KCNC2: variants seen among roughly 807,000 people sequenced by gnomAD.
KCNC2 encodes the protein voltage-gated potassium channel KCNC2.
KCNC2 carries 21 observed loss-of-function variants against 44.5 expected under a neutral mutation model. The observed-to-expected ratio is 0.47, with a 90% CI of 0.33 to 0.68. The LOEUF (loss-of-function observed/expected upper bound fraction) is 0.68. KCNC2 is among the 30% of genes least tolerant of loss of function. KCNC2 has a pLI of 0.01. For missense variants in KCNC2, 589 were observed against 826.2 expected, an observed-to-expected ratio of 0.71 and a Z score of 3.52; for synonymous variants, 391 against 339.1, an observed-to-expected ratio of 1.15 and a Z score of -1.68.
At chr12:75,064,174 T>A (rs557096819) in intron 2 of KCNC2, among the ~76,000 whole-genome samples, 4 of 152,254 alleles carry the variant, frequency 2.6e-5, no homozygotes, top group Admixed American at 2.6e-4. Context: ...TGTCATGTAA[T>A]CTCAATTAAG....
intron 2 of KCNC2, among the ~76,000 whole-genome samples, chr12:75,118,880 A>G (rs1887857243): frequency 6.6e-6 from 1 of 152,168 alleles, no homozygotes; most frequent in Admixed American, 6.5e-5. Context: ...AATAGAGATT[A>G]AATCTGACAT....
chr12:75,120,144 T>C (rs1887952923), intron 2 of KCNC2, among the ~76,000 whole-genome samples: 1 of 152,226 alleles, frequency 6.6e-6, no homozygotes, highest in Non-Finnish European at 1.5e-5. Flanking sequence ...TTGATATTTC[T>C]AGTCATTTGC....
At chr12:75,199,254 C>T (rs532331099) in intron 2 of KCNC2, among the ~76,000 whole-genome samples, 1 of 151,766 alleles carries the variant, frequency 6.6e-6, no homozygotes, top group Non-Finnish European at 1.5e-5. Flanking sequence ...TGGCAAACCT[C>T]TAAGATTTGA....
intron 2 of KCNC2, among the ~76,000 whole-genome samples, chr12:75,206,984 C>T (rs1339452639): frequency 6.6e-6 from 1 of 152,172 alleles, no homozygotes; most frequent in Non-Finnish European, 1.5e-5. Context: ...GAGATGAATC[C>T]TCATACCCGT....
rs149209693 is a variant in KCNC2 at position 75,093,986 on chromosome 12, C to T, written c.688-42669G>A. Among the ~76,000 whole-genome samples, 4 of 151,734 alleles carry T rather than the reference C, an allele frequency of 2.6e-5. No homozygotes were observed. The East Asian group carries it at 5.8e-4, about 22-fold the overall frequency. ...CCAACCTAATAATAATGCATAGGCT[C>T]GGAACAGTACTTTACTAATCCCTTT... On this transcript the variant is annotated intron_variant, in intron 2 of 4. Coordinates refer to ENST00000549446, the MANE Select transcript of KCNC2 (RefSeq NM_139137.4).
At chr12:75,146,231 G>A (rs1890019985) in intron 2 of KCNC2, among the ~76,000 whole-genome samples, 1 of 152,078 alleles carries the variant, frequency 6.6e-6, no homozygotes, top group Non-Finnish European at 1.5e-5. Context: ...TGAGATTACA[G>A]GCAACAACCT....
intron 2 of KCNC2, among the ~76,000 whole-genome samples, chr12:75,095,824 A>T (rs2137153789): frequency 6.6e-6 from 1 of 151,998 alleles, no homozygotes; most frequent in South Asian, 2.1e-4. Context: ...TACTAAATAA[A>T]TTTTCAAATT....
intron 2 of KCNC2, among the ~76,000 whole-genome samples, chr12:75,201,056 C>G (rs936568381): frequency 6.6e-6 from 1 of 151,204 alleles, no homozygotes; most frequent in Non-Finnish European, 1.5e-5. Flanking sequence ...AATCTTAGAC[C>G]TAAGAAATGA....
chr12:75,169,404 T>C (rs1490128639), intron 2 of KCNC2, among the ~76,000 whole-genome samples: 1 of 151,590 alleles, frequency 6.6e-6, no homozygotes, highest in East Asian at 1.9e-4. Context: ...TCAGTGATGT[T>C]CCATTACTAC....
chr12:75,131,028 G>T (rs963683018), intron 2 of KCNC2, among the ~76,000 whole-genome samples: 1 of 152,050 alleles, frequency 6.6e-6, no homozygotes. Context: ...TTGAGAAAAG[G>T]CCTGAGGCTT....
At chr12:75,161,154 A>G (rs1891098383) in intron 2 of KCNC2, among the ~76,000 whole-genome samples, 1 of 151,774 alleles carries the variant, frequency 6.6e-6, no homozygotes, top group Non-Finnish European at 1.5e-5. Flanking sequence ...ATATCCTAAT[A>G]TAAAAACTCA....
intron 2 of KCNC2, among the ~76,000 whole-genome samples, chr12:75,166,878 C>T (rs1005227213): frequency 1.3e-5 from 2 of 151,122 alleles, no homozygotes; most frequent in Non-Finnish European, 3.0e-5. Flanking sequence ...AATAACTTTC[C>T]ACCCTAAGAA....
intron 4 of KCNC2, 166 bp from the exon 5 acceptor site, chr12:75,043,407 AC>A: frequency 5.1e-6 from 7 of 1,385,892 alleles, no homozygotes; most frequent in Non-Finnish European, 6.5e-6. Flanking sequence ...AATGAAGCTC[AC>A]TGTAGTTGCC....
At chr12:75,109,220 C>A (rs1008732008) in intron 2 of KCNC2, among the ~76,000 whole-genome samples, 4 of 152,122 alleles carry the variant, frequency 2.6e-5, no homozygotes, top group African/African-American at 9.7e-5. Context: ...CGATTATAAT[C>A]TTACAGAAAA....
chr12:75,158,875 A>G (rs118004147), intron 2 of KCNC2, among the ~76,000 whole-genome samples: 196 of 152,020 alleles, frequency 1.3e-3, no homozygotes, highest in Non-Finnish European at 2.2e-3. Context: ...AACAAAATTT[A>G]ATTTAGTCTT....
At chr12:75,176,635 G>T (rs938765556) in intron 2 of KCNC2, among the ~76,000 whole-genome samples, 3 of 151,914 alleles carry the variant, frequency 2.0e-5, no homozygotes, top group African/African-American at 7.2e-5. Context: ...AGTCTTCTAT[G>T]ATTGAACTTC....
chr12:75,103,307 T>C (rs1177760428), intron 2 of KCNC2, among the ~76,000 whole-genome samples: 2 of 152,166 alleles, frequency 1.3e-5, no homozygotes, highest in Non-Finnish European at 2.9e-5. Flanking sequence ...ATTTGTTAAG[T>C]AGAATTGTTA....
intron 2 of KCNC2, among the ~76,000 whole-genome samples, chr12:75,084,467 G>T (rs1024458591): frequency 2.0e-5 from 3 of 151,878 alleles, no homozygotes; most frequent in Non-Finnish European, 2.9e-5. Flanking sequence ...CAGTCTTTCT[G>T]GTGCTATTCT....
intron 3 of KCNC2, among the ~76,000 whole-genome samples, chr12:75,049,406 G>A (rs1054801887): frequency 2.6e-5 from 4 of 152,084 alleles, no homozygotes; most frequent in Admixed American, 6.6e-5. Flanking sequence ...AAGTTATGGG[G>A]AATCAATAAA....
Sources: gnomAD v4.1 joint callset for allele counts (sites outside exome capture counted in the v4.1 genomes callset) on GRCh38, gnomAD v4.1.1 for gene constraint, MANE v1.5 for transcripts, NCBI Gene and HGNC (gene_info 2026-07-23, HGNC 2026-07-21) for gene names.